The following UTRN variants were observed in gnomAD, a reference collection of about 807,000 sequenced individuals.
The protein encoded by UTRN is utrophin, also known as dystrophin-related protein 1.
A neutral mutation model predicts 463.9 loss-of-function variants in UTRN; 283 were observed. That is an observed-to-expected ratio of 0.61 (90% CI 0.55 to 0.67). The LOEUF (loss-of-function observed/expected upper bound fraction) is 0.67. Among genes scored for constraint, UTRN ranks in the 30% least tolerant of loss-of-function variants. UTRN has a pLI of 0.00. For missense variants in UTRN, 3,922 were observed against 4,084.3 expected, an observed-to-expected ratio of 0.96 and a Z score of 1.08; for synonymous variants, 1,442 against 1,431.5, an observed-to-expected ratio of 1.01 and a Z score of -0.17.
chr6:144,461,310 G>A lies in UTRN; in HGVS notation c.2821G>A (p.Ala941Thr). 6.3e-7 allele frequency: 1 copy of A among 1,587,488 alleles called. No homozygotes were observed. Among genetic ancestry groups the A allele is most frequent in the Non-Finnish European group, 8.6e-7 (1 of 1,165,542 alleles). ...QVSLNVLNDL[A>T]KVEKALQEKK... is the part of the protein sequence containing the mutation. The stretch of plus-strand genomic sequence containing the variant: ...GTCTCTGAATGTCCTTAATGATCTT[G>A]CCAAGGTGGAGAAGGCCCTGCAAGA... The change falls in exon 22 of 75, where the codon GCC (alanine) becomes ACC (threonine). Residue 941 changes from alanine (A) to threonine (T), a missense_variant. This residue lies in a region of UTRN where 2,349 missense variants were observed against 2,303.8 expected (regional missense o/e 1.02). Coordinates refer to ENST00000367545, the MANE Select transcript of UTRN (RefSeq NM_007124.3).
chr6:144,778,637 A>G (rs1775550072), intron 60 of UTRN, among the ~76,000 whole-genome samples: 1 of 151,712 alleles, frequency 6.6e-6, no homozygotes, highest in Non-Finnish European at 1.5e-5. Flanking sequence ...TAATAAAATA[A>G]AAAAATAAAG....
At chr6:144,695,180 A>C (rs1310666758) in intron 52 of UTRN, among the ~76,000 whole-genome samples, 1 of 151,936 alleles carries the variant, frequency 6.6e-6, no homozygotes, top group Non-Finnish European at 1.5e-5. Flanking sequence ...CTAAGATCAT[A>C]ATAACAGCTA....
At chr6:144,708,194 T>G in intron 53 of UTRN, 1 of 569,240 alleles carries the variant, frequency 1.8e-6, no homozygotes. Context: ...GCCAGTTATT[T>G]TTGAATTGCT....
intron 2 of UTRN, among the ~76,000 whole-genome samples, chr6:144,381,277 G>A (rs1294149219): frequency 6.6e-6 from 1 of 152,068 alleles, no homozygotes; most frequent in Non-Finnish European, 1.5e-5. Context: ...GTGGTATTTG[G>A]CTTTCTGTTC....
chr6:144,308,523 G>C (rs1562729536), intron 2 of UTRN, among the ~76,000 whole-genome samples: 1 of 151,976 alleles, frequency 6.6e-6, no homozygotes, highest in Non-Finnish European at 1.5e-5. Context: ...AAACTCCTGG[G>C]CTCAAGCAAT....
chr6:144,748,333 A>G lies in UTRN; in HGVS notation c.8027A>G (p.Asn2676Ser), dbSNP rs1271969699. The G allele has an allele frequency of 6.2e-7, 1 of 1,613,582 alleles. No homozygotes were observed. The highest frequency in any genetic ancestry group is 8.5e-7 in the Non-Finnish European group (1 of 1,179,926). ...GTCAAAGAAAAATGGGAAAGTCTAAATGCTGTAACTAGCAATTGGCAAAAG... is the reference window on the plus strand; with the variant it reads ...GTCAAAGAAAAATGGGAAAGTCTAAGTGCTGTAACTAGCAATTGGCAAAAG... ...SEVKEKWESL[N>S]AVTSNWQKQV... The change falls in exon 55 of 75, where the codon AAT becomes AGT. Residue 2676 changes from asparagine (N) to serine (S), a missense_variant. Physicochemically the swap from Asn to Ser is conservative, Grantham distance 46. Around this residue, in one of 3 missense-constraint regions of UTRN, gnomAD observed 1,309 missense variants for 1,452.6 expected, o/e 0.90. Transcript: ENST00000367545.
At chr6:144,439,916 A>G (rs1389173767) in intron 12 of UTRN, among the ~76,000 whole-genome samples, 2 of 152,190 alleles carry the variant, frequency 1.3e-5, no homozygotes, top group African/African-American at 4.8e-5. Flanking sequence ...TAATCAGAGT[A>G]ACTTTTGACT....
rs149163535 is a variant in UTRN, at chr6:144,620,133, T to C, written c.7479+42845T>C. Among the ~76,000 whole-genome samples, 1,315 of 152,290 alleles carry C rather than the reference T, an allele frequency of 8.6e-3. 16 individuals are homozygous for C. The highest frequency in any genetic ancestry group is 0.03 in the African/African-American group (1,239 of 41,570). ...TCTGTTTATATTGAGCCTGGCTTAT[T>C]TGGAGTTAGCTTGTAAATTTAATGA... On this transcript the variant is annotated intron_variant, in intron 51 of 74. Coordinates refer to ENST00000367545, the MANE Select transcript of UTRN (RefSeq NM_007124.3).
At chr6:144,483,237 G>A (rs181824558) in intron 27 of UTRN, among the ~76,000 whole-genome samples, 1 of 152,092 alleles carries the variant, frequency 6.6e-6, no homozygotes, top group African/African-American at 2.4e-5. Context: ...TATCATTGAG[G>A]CAAGTTAGTA....
At chr6:144,387,060 G>C (rs1781485717) in intron 2 of UTRN, among the ~76,000 whole-genome samples, 1 of 152,114 alleles carries the variant, frequency 6.6e-6, no homozygotes, top group African/African-American at 2.4e-5. Flanking sequence ...ATTAGGCTTT[G>C]GAGAAAGTCT....
At chr6:144,683,394 T>C (rs1782410418) in intron 52 of UTRN, among the ~76,000 whole-genome samples, 2 of 151,824 alleles carry the variant, frequency 1.3e-5, no homozygotes, top group South Asian at 4.2e-4. Context: ...GAGACCAGAG[T>C]GTGCTTAGTG....
At chr6:144,748,652 G>A in intron 55 of UTRN, 138 bp downstream of exon 55, 2 of 1,165,070 alleles carry the variant, frequency 1.7e-6, no homozygotes, top group Non-Finnish European at 2.3e-6. Flanking sequence ...CCCATCAGGA[G>A]TCAGGACAGG....
chr6:144,514,994 T>C (rs1795491689), intron 37 of UTRN, among the ~76,000 whole-genome samples, 174 bp downstream of exon 37: 1 of 152,188 alleles, frequency 6.6e-6, no homozygotes, highest in Admixed American at 6.5e-5. Flanking sequence ...CTCCGCCTTC[T>C]GGGTGCAAGC....
chr6:144,525,635 T>A (rs1207081228), intron 41 of UTRN, among the ~76,000 whole-genome samples: 1 of 149,918 alleles, frequency 6.7e-6, no homozygotes, highest in African/African-American at 2.5e-5. Context: ...ACCAGCTTTT[T>A]GTTTCATTTT....
chr6:144,609,004 C>T (rs1805181838), intron 51 of UTRN, among the ~76,000 whole-genome samples: 2 of 152,168 alleles, frequency 1.3e-5, no homozygotes, highest in East Asian at 1.9e-4. Flanking sequence ...AATCAAATTC[C>T]AAAACGGCAG....
chr6:144,373,475 T>C (rs1041124513), intron 2 of UTRN, among the ~76,000 whole-genome samples: 1 of 152,118 alleles, frequency 6.6e-6, no homozygotes, highest in Non-Finnish European at 1.5e-5. Context: ...GGAAAATCCA[T>C]AAAGAGAGAA....
Position 144,851,927 on chromosome 6 carries a change from A to T in UTRN, c.*930A>T, listed in dbSNP as rs926055492. The T allele has an allele frequency of 6.6e-6, 1 of 152,142 alleles. No homozygotes were observed. Among genetic ancestry groups the T allele is most frequent in the African/African-American group, 2.4e-5 (1 of 41,442 alleles). The allele number at this position is 152,142 out of a possible 1,614,324, so 9.4% of individuals were successfully genotyped here. A position where few individuals can be genotyped will look rare whatever the true frequency, so the allele number is the denominator to read the frequency against. On this transcript the variant is annotated 3_prime_UTR_variant, in exon 75 of 75. Transcript: ENST00000367545. ...TTTAGTACAACCTTTCCTAGTTCCC[A>T]TGTCTTGATTTTCATCATTACATGC... is the stretch of plus-strand genomic sequence containing the variant.
At chr6:144,793,484 A>G (rs1425731034) in intron 62 of UTRN, among the ~76,000 whole-genome samples, 1 of 152,200 alleles carries the variant, frequency 6.6e-6, no homozygotes, top group East Asian at 1.9e-4. Flanking sequence ...GGGAGTTCTT[A>G]TGAAGATCAT....
intron 32 of UTRN, among the ~76,000 whole-genome samples, chr6:144,492,547 T>C (rs1366971718): frequency 6.6e-6 from 1 of 152,198 alleles, no homozygotes; most frequent in Non-Finnish European, 1.5e-5. Flanking sequence ...GTAATAGGAT[T>C]TCTGGGTTGA....
Sources: gnomAD v4.1 joint callset for allele counts (sites outside exome capture counted in the v4.1 genomes callset) on GRCh38, gnomAD v4.1.1 for gene constraint, gnomAD v4.1.1 regional missense constraint, MANE v1.5 for transcripts, NCBI Gene and HGNC (gene_info 2026-07-23, HGNC 2026-07-21) for gene names.